The following COL5A2 variants were observed in gnomAD, a reference collection of about 807,000 sequenced individuals.
COL5A2 encodes collagen type V alpha 2 chain, also known as collagen alpha-2(V) chain.
COL5A2 carries 23 observed loss-of-function variants against 208.2 expected under a neutral mutation model. That is an observed-to-expected ratio of 0.11 (90% confidence interval 0.08 to 0.16). COL5A2 has a LOEUF of 0.16. Ranked by LOEUF, COL5A2 falls within the 10% of genes least tolerant of loss-of-function variation. The probability of loss-of-function intolerance (pLI) is 1.00; values close to 1 mark genes in which losing one functional copy is unlikely to be tolerated. For missense variants in COL5A2, 1,590 were observed against 1,956.4 expected (o/e 0.81, Z 3.53); for synonymous variants, 625 against 628.5 (o/e 0.99, Z 0.08).
intron 50 of COL5A2, among the ~76,000 whole-genome samples, chr2:189,040,351 T>G (rs1685534104): frequency 6.7e-6 from 1 of 149,850 alleles, no homozygotes; most frequent in Non-Finnish European, 1.5e-5. Context: ...TTTTTTTTTT[T>G]GCCAAATAAG....
At chr2:189,141,349 T>C (rs1191781672) in intron 1 of COL5A2, among the ~76,000 whole-genome samples, 4 of 152,190 alleles carry the variant, frequency 2.6e-5, no homozygotes, top group Non-Finnish European at 5.9e-5. Context: ...CTATTCAAGG[T>C]AGAAATTATT....
chr2:189,413,855 A>C, the COL5A2 span, among the ~76,000 whole-genome samples: 5 of 139,758 alleles, frequency 3.6e-5, no homozygotes, highest in Non-Finnish European at 7.5e-5. Context: ...GCAGTGGCAC[A>C]ATCTCAGCTC....
chr2:189,160,821 CTTTTT>C (rs1032683518), intron 1 of COL5A2, among the ~76,000 whole-genome samples: 6 of 142,952 alleles, frequency 4.2e-5, no homozygotes, highest in South Asian at 2.2e-4. Flanking sequence ...CTTTTCTTTT[CTTTTT>C]CCTTTTTTTT....
chr2:189,081,042 C>A lies in COL5A2; in HGVS notation c.854G>T (p.Gly285Val). ...AGGAGCCCCAGGAAATCCACGAGCTCCCTGGGAGGAAAACATAGATAGGGC... is the reference window on the plus strand; with the variant it reads ...AGGAGCCCCAGGAAATCCACGAGCTACCTGGGAGGAAAACATAGATAGGGC... Reference protein sequence around the residue: ...PGEVGFAGSPGARGFPGAPGL... With the variant: ...PGEVGFAGSPVARGFPGAPGL... Residue 285 changes from glycine (G) to valine (V), a missense_variant and splice_region_variant, in exon 13 of 54, where the codon GGA becomes GTA. Coordinates refer to ENST00000374866, the MANE Select transcript of COL5A2 (RefSeq NM_000393.5). 6.2e-7 allele frequency: 1 copy of A among 1,613,036 alleles called. No individual in the cohort carries two copies. The highest frequency in any genetic ancestry group is 8.5e-7 in the Non-Finnish European group (1 of 1,179,194).
the COL5A2 span, among the ~76,000 whole-genome samples, chr2:189,359,027 T>G: frequency 1.3e-5 from 2 of 152,198 alleles, no homozygotes; most frequent in East Asian, 3.8e-4. Context: ...ACAGGGACTA[T>G]TTAACTTCTC....
the COL5A2 span, among the ~76,000 whole-genome samples, chr2:189,415,352 C>T: frequency 2.6e-5 from 4 of 152,040 alleles, no homozygotes; most frequent in East Asian, 3.8e-4. Flanking sequence ...GAACCGTGGT[C>T]AGTAAATATG....
chr2:189,274,725 AT>A, the COL5A2 span, among the ~76,000 whole-genome samples: 1 of 152,162 alleles, frequency 6.6e-6, no homozygotes, highest in Non-Finnish European at 1.5e-5. Context: ...CAAAAAGAGA[AT>A]TACCATTTCA....
At chr2:189,382,821 G>A in the COL5A2 span, among the ~76,000 whole-genome samples, 1 of 152,174 alleles carries the variant, frequency 6.6e-6, no homozygotes, top group East Asian at 1.9e-4. Flanking sequence ...AAGACAGGGA[G>A]GATGTTACAA....
intron 40 of COL5A2, 149 bp downstream of exon 40, chr2:189,052,600 A>T: frequency 1.2e-6 from 1 of 831,468 alleles, no homozygotes; most frequent in Non-Finnish European, 2.0e-6. Context: ...TCTCCATCTG[A>T]GTTAAGTGCC....
At chr2:189,104,049 A>G (rs1687102368) in intron 3 of COL5A2, among the ~76,000 whole-genome samples, 1 of 151,836 alleles carries the variant, frequency 6.6e-6, no homozygotes, top group Non-Finnish European at 1.5e-5. Context: ...AGAAACAGAT[A>G]TACAAACAGA....
rs1439927008 is a variant in COL5A2 at position 189,039,381 on chromosome 2, C to T, written c.3816G>A (p.Leu1272=). The T allele has an allele frequency of 6.2e-7, 1 of 1,614,088 alleles. No individual in the cohort carries two copies. Among genetic ancestry groups the T allele is most frequent in the Admixed American group, 1.7e-5 (1 of 60,016 alleles). ...NKTDPGVHAT[L]KSLSSQIETM... is the part of the protein sequence containing the mutation. ...TTTCAATCTGACTACTGAGTGACTT[C>T]AGGGTAGCATGAACCCCTGGGTCCG... Residue 1272 remains leucine, a synonymous_variant, in exon 51 of 54, where the codon CTG becomes CTA. Transcript: ENST00000374866.
At chr2:189,100,840 T>C (rs977063939) in intron 3 of COL5A2, among the ~76,000 whole-genome samples, 2 of 152,064 alleles carry the variant, frequency 1.3e-5, no homozygotes, top group African/African-American at 2.4e-5. Flanking sequence ...ATAATAGATA[T>C]AGCAAATGTA....
chr2:189,081,000 T>G lies in COL5A2; in HGVS notation c.896A>C (p.Lys299Thr). The change falls in exon 13 of 54, where the codon AAG becomes ACG. Residue 299 changes from lysine (K) to threonine (T), a missense_variant. Lys to Thr is a moderately conservative substitution (Grantham distance 78, BLOSUM62 -1). Coordinates refer to ENST00000374866, the MANE Select transcript of COL5A2 (RefSeq NM_000393.5). ...ATAGATTGAACTTACTCGGTGACCC[T>G]TCAGACCTGGAAGACCAGGAGCCCC... is the stretch of plus-strand genomic sequence containing the variant. ...FPGAPGLPGL[K>T]GHRGHKGLEG... 1.2e-6 allele frequency: 2 copies of G among 1,613,372 alleles called. No homozygotes were observed. The highest frequency in any genetic ancestry group is 1.7e-6 in the Non-Finnish European group (2 of 1,179,466).
At chr2:189,267,266 TCTATGA>T in the COL5A2 span, among the ~76,000 whole-genome samples, 3 of 152,080 alleles carry the variant, frequency 2.0e-5, no homozygotes, top group Non-Finnish European at 4.4e-5. Flanking sequence ...ATACAGATAA[TCTATGA>T]CCAGCCTAGA....
At chr2:189,164,685 G>A (rs1035729381) in intron 1 of COL5A2, among the ~76,000 whole-genome samples, 10 of 152,174 alleles carry the variant, frequency 6.6e-5, no homozygotes, top group African/African-American at 2.2e-4. Flanking sequence ...ATATGCTTAT[G>A]TAATAGGGTT....
rs1035342655 is a variant in COL5A2, at chr2:189,085,730, G to T, written c.733C>A (p.Pro245Thr). The change falls in exon 10 of 54, where the codon CCT becomes ACT. Residue 245 changes from proline (P) to threonine (T), a missense_variant. Pro to Thr is a conservative substitution (Grantham distance 38, BLOSUM62 -1). Coordinates refer to ENST00000374866, the MANE Select transcript of COL5A2 (RefSeq NM_000393.5). Reference sequence around the variant, plus strand: ...TACTTGACATTTACCATTGGTCCAGGATCACCAGGTTCACCAGGAGGTCCT... The same window carrying T: ...TACTTGACATTTACCATTGGTCCAGTATCACCAGGTTCACCAGGAGGTCCT... The part of the protein sequence containing the change: ...PTGPPGEPGD[P>T]GPMGPIGSRG... 2.5e-6 allele frequency: 4 copies of T among 1,613,276 alleles called. No homozygotes were observed. The highest frequency in any genetic ancestry group is 1.3e-5 in the African/African-American group (1 of 74,976).
the COL5A2 span, among the ~76,000 whole-genome samples, chr2:189,428,215 C>T: frequency 5.9e-5 from 9 of 152,160 alleles, 1 homozygote; most frequent in Admixed American, 5.9e-4. Context: ...AATATAATCC[C>T]CAATGCTGGA....
At chr2:189,355,640 T>C in the COL5A2 span, among the ~76,000 whole-genome samples, 1 of 152,232 alleles carries the variant, frequency 6.6e-6, no homozygotes, top group Non-Finnish European at 1.5e-5. Context: ...TGTTAAATAT[T>C]CCTCCTTCCC....
At chr2:189,151,861 G>A (rs984243641) in intron 1 of COL5A2, among the ~76,000 whole-genome samples, 2 of 152,068 alleles carry the variant, frequency 1.3e-5, no homozygotes, top group African/African-American at 4.8e-5. Context: ...TTATTTAAAA[G>A]CCACTTTACT....
Sources: gnomAD v4.1 joint callset for allele counts (sites outside exome capture counted in the v4.1 genomes callset) on GRCh38, gnomAD v4.1.1 for gene constraint, MANE v1.5 for transcripts, NCBI Gene and HGNC (gene_info 2026-07-23, HGNC 2026-07-21) for gene names.